SLC6A6: variants seen among roughly 807,000 people sequenced by gnomAD.
The protein encoded by SLC6A6 is solute carrier family 6 member 6, also known as sodium- and chloride-dependent taurine transporter.
A neutral mutation model predicts 68.8 loss-of-function variants in SLC6A6; 16 were observed. That is an observed-to-expected ratio of 0.23 (90% CI 0.16 to 0.35). The LOEUF is 0.35. Among genes scored for constraint, SLC6A6 ranks in the 10% least tolerant of loss-of-function variants. The probability of loss-of-function intolerance (pLI) is 1.00; values close to 1 mark genes in which losing one functional copy is unlikely to be tolerated. For missense variants in SLC6A6, 474 were observed against 802.8 expected, an observed-to-expected ratio of 0.59 and a Z score of 4.95; for synonymous variants, 312 against 315.4, an observed-to-expected ratio of 0.99 and a Z score of 0.12.
intron 6 of SLC6A6, among the ~76,000 whole-genome samples, chr3:14,458,306 C>A (rs1009325351): frequency 2.0e-5 from 3 of 152,266 alleles, no homozygotes; most frequent in African/African-American, 7.2e-5. Context: ...AAGCTGTCCA[C>A]AGTTTAATGA....
intron 6 of SLC6A6, among the ~76,000 whole-genome samples, 153 bp downstream of exon 6, chr3:14,458,235 T>G (rs1266980621): frequency 6.6e-6 from 1 of 152,168 alleles, no homozygotes; most frequent in Non-Finnish European, 1.5e-5. Context: ...AAAGTAAAAC[T>G]CAGGTTTGTT....
chr3:14,471,501 G>A (rs1700751483), intron 9 of SLC6A6, among the ~76,000 whole-genome samples: 1 of 152,200 alleles, frequency 6.6e-6, no homozygotes, highest in South Asian at 2.1e-4. Context: ...GAGGCCCTGA[G>A]AGGGTATGGG....
chr3:14,453,942 AG>A (rs1700309012), intron 5 of SLC6A6, among the ~76,000 whole-genome samples: 2 of 152,170 alleles, frequency 1.3e-5, no homozygotes, highest in African/African-American at 2.4e-5. Context: ...TGGCTGAAGG[AG>A]GAGGAAGTGA....
Position 14,451,925 on chromosome 3 carries a change from C to A in SLC6A6, c.599+4109C>A, listed in dbSNP as rs1237101937. Among the ~76,000 whole-genome samples, 3 of 152,178 alleles carry A rather than the reference C, an allele frequency of 2.0e-5. No individual in the cohort carries two copies. In the East Asian group the frequency reaches 5.8e-4, roughly 29 times the overall value. On this transcript the variant is annotated intron_variant, in intron 5 of 14. Transcript: ENST00000622186. ...TGGTGACCCTCAAGCTGAAGCCCAG[C>A]CCCAGCTGTTGCTTCCTTTCACTTC...
intron 3 of SLC6A6, chr3:14,444,897 C>G (rs1474481778): frequency 4.4e-6 from 2 of 454,180 alleles, no homozygotes; most frequent in Admixed American, 4.7e-5. Flanking sequence ...GCTTTGCCCC[C>G]CCATTCTTCC....
At chr3:14,480,501 G>A (rs920590810) in intron 13 of SLC6A6, among the ~76,000 whole-genome samples, 3 of 152,202 alleles carry the variant, frequency 2.0e-5, no homozygotes, top group African/African-American at 7.2e-5. Flanking sequence ...GCTTGGGAGG[G>A]CCCAGGGCAG....
At chr3:14,465,030 T>G (rs1020468247) in intron 6 of SLC6A6, among the ~76,000 whole-genome samples, 5 of 152,192 alleles carry the variant, frequency 3.3e-5, no homozygotes, top group Non-Finnish European at 7.3e-5. Flanking sequence ...GTTTCTCCAC[T>G]GTAAACCACC....
chr3:14,434,980 CT>C (rs1699818610), intron 2 of SLC6A6, among the ~76,000 whole-genome samples: 1 of 152,252 alleles, frequency 6.6e-6, no homozygotes, highest in African/African-American at 2.4e-5. Flanking sequence ...GACAAGTTGG[CT>C]GTCTATTAGA....
At chr3:14,424,610 T>C (rs1258911565) in intron 2 of SLC6A6, among the ~76,000 whole-genome samples, 1 of 152,150 alleles carries the variant, frequency 6.6e-6, no homozygotes, top group Non-Finnish European at 1.5e-5. Flanking sequence ...TCAGAGTGGT[T>C]GGTCTTGATT....
chr3:14,467,329 T>C (rs1700643083), intron 7 of SLC6A6, among the ~76,000 whole-genome samples: 1 of 152,084 alleles, frequency 6.6e-6, no homozygotes. Flanking sequence ...TAGTGAAGAT[T>C]CTGGAGAGCA....
At chr3:14,404,421 G>T (rs1699060353) in intron 1 of SLC6A6, among the ~76,000 whole-genome samples, 1 of 152,214 alleles carries the variant, frequency 6.6e-6, no homozygotes, top group Non-Finnish European at 1.5e-5. Flanking sequence ...ACCCCCAACA[G>T]GGTGGGACTG....
At chr3:14,469,519 TGAG>T (rs748437313) in intron 9 of SLC6A6, among the ~76,000 whole-genome samples, 12 of 152,202 alleles carry the variant, frequency 7.9e-5, no homozygotes, top group African/African-American at 2.2e-4. Context: ...CCTTCTCAGA[TGAG>T]GAGACCAGCA....
chr3:14,443,972 C>G (rs79087593), intron 3 of SLC6A6, 109 bp downstream of exon 3: 39 of 745,938 alleles, frequency 5.2e-5, no homozygotes, highest in South Asian at 1.7e-4. Flanking sequence ...TTCCCTGGCC[C>G]CCCCCCTTGA....
chr3:14,448,206 A>C, intron 5 of SLC6A6: 1 of 498,678 alleles, frequency 2.0e-6, no homozygotes, highest in Non-Finnish European at 2.7e-6. Flanking sequence ...ATGAAGCTGA[A>C]GTAGTTAAGT....
chr3:14,412,671 C>T (rs770872451), intron 1 of SLC6A6, among the ~76,000 whole-genome samples: 3 of 152,178 alleles, frequency 2.0e-5, no homozygotes, highest in Admixed American at 6.5e-5. Flanking sequence ...CTAAGTGGGG[C>T]CTGGGGCCCT....
At chr3:14,417,727 G>A (rs1311569237) in intron 2 of SLC6A6, among the ~76,000 whole-genome samples, 3 of 132,668 alleles carry the variant, frequency 2.3e-5, no homozygotes, top group Non-Finnish European at 4.6e-5. Flanking sequence ...GCGAGACTCC[G>A]TCTCGAAAAA....
rs1701208944 is a variant in SLC6A6, at chr3:14,487,685, G to T, written c.*2678G>T. 6.6e-6 allele frequency: 1 copy of T among 152,200 alleles called. No individual in the cohort carries two copies. Among genetic ancestry groups the T allele is most frequent in the Non-Finnish European group, 1.5e-5 (1 of 68,044 alleles). The allele number at this position is 152,200 out of a possible 1,614,324, so 9.4% of individuals were successfully genotyped here. ...GCCACAGAGATTTCCTGACGGTCAGGGAGAGAAGGGCCTCCAGGGTCCCCT... is the reference window on the plus strand; with the variant it reads ...GCCACAGAGATTTCCTGACGGTCAGTGAGAGAAGGGCCTCCAGGGTCCCCT... On this transcript the variant is annotated 3_prime_UTR_variant, in exon 15 of 15. Transcript: ENST00000622186.
chr3:14,452,700 A>G (rs959771278), intron 5 of SLC6A6, among the ~76,000 whole-genome samples: 4 of 152,152 alleles, frequency 2.6e-5, no homozygotes, highest in African/African-American at 9.7e-5. Context: ...AGTGAGCTGC[A>G]CTTTCCCAGA....
intron 2 of SLC6A6, among the ~76,000 whole-genome samples, chr3:14,436,531 CTTTTTTTTTTTT>C (rs58996264): frequency 1.4e-4 from 16 of 112,574 alleles, no homozygotes; most frequent in African/African-American, 2.3e-4. Flanking sequence ...CAACAACTCC[CTTTTTTTTTTTT>C]TTTTTTTTTT....
Sources: allele counts gnomAD v4.1 joint callset (sites outside exome capture counted in the v4.1 genomes callset), GRCh38; gene constraint gnomAD v4.1.1; transcripts MANE v1.5; gene names NCBI Gene and HGNC (gene_info 2026-07-23, HGNC 2026-07-21).